CHST8: variants seen among roughly 807,000 people sequenced by gnomAD.
The protein encoded by CHST8 is carbohydrate sulfotransferase 8.
CHST8 carries 10 observed loss-of-function variants against 15.0 expected under a neutral mutation model. The observed-to-expected ratio is 0.67, with a 90% confidence interval of 0.41 to 1.13. The LOEUF is 1.13. Ranked by LOEUF, CHST8 falls within the 50% of genes most tolerant of loss-of-function variation. CHST8 has a pLI of 0.00. For missense variants in CHST8, 634 were observed against 608.2 expected (o/e 1.04, Z -0.45); for synonymous variants, 259 against 256.6 (o/e 1.01, Z -0.09).
At chr19:33,754,480 C>T (rs906267393) in intron 3 of CHST8, among the ~76,000 whole-genome samples, 7 of 152,156 alleles carry the variant, frequency 4.6e-5, no homozygotes, top group African/African-American at 1.4e-4. Flanking sequence ...TGCATCTTAA[C>T]CCTATGCCTG....
intron 1 of CHST8, among the ~76,000 whole-genome samples, chr19:33,630,642 C>T (rs1165504527): frequency 1.4e-5 from 2 of 143,714 alleles, no homozygotes; most frequent in South Asian, 2.3e-4. Context: ...GCAAGCAGTC[C>T]GTCTACGATG....
At chr19:33,758,463 A>G (rs1156987196) in intron 3 of CHST8, among the ~76,000 whole-genome samples, 4 of 152,206 alleles carry the variant, frequency 2.6e-5, no homozygotes, top group Non-Finnish European at 5.9e-5. Context: ...AGCGGCCTGC[A>G]GTGGGGGTCA....
intron 1 of CHST8, among the ~76,000 whole-genome samples, chr19:33,642,432 G>A (rs779498776): frequency 2.6e-5 from 4 of 151,894 alleles, no homozygotes; most frequent in Admixed American, 6.6e-5. Context: ...GCACGATCTC[G>A]GCTCTTTGCA....
chr19:33,759,740 A>G (rs1974679521), intron 3 of CHST8, among the ~76,000 whole-genome samples: 1 of 152,226 alleles, frequency 6.6e-6, no homozygotes, highest in Non-Finnish European at 1.5e-5. Context: ...GAATAGCATC[A>G]GCATTCACCA....
chr19:33,630,526 G>A (rs1321716239), intron 1 of CHST8, among the ~76,000 whole-genome samples: 5 of 151,730 alleles, frequency 3.3e-5, no homozygotes, highest in African/African-American at 1.2e-4. Flanking sequence ...CAGGCAGTCT[G>A]TCCACACTGG....
At chr19:33,709,018 A>G (rs528728415) in intron 3 of CHST8, among the ~76,000 whole-genome samples, 1 of 152,294 alleles carries the variant, frequency 6.6e-6, no homozygotes, top group South Asian at 2.1e-4. Context: ...TTTCTAATTT[A>G]ATTTTGGGAT....
At chr19:33,626,259 G>A (rs1972052223) in intron 1 of CHST8, among the ~76,000 whole-genome samples, 1 of 152,116 alleles carries the variant, frequency 6.6e-6, no homozygotes, top group Non-Finnish European at 1.5e-5. Context: ...CCTGTCATTT[G>A]TGATGTGGTG....
intron 3 of CHST8, among the ~76,000 whole-genome samples, chr19:33,739,497 A>G (rs1232863867): frequency 6.6e-6 from 1 of 152,228 alleles, no homozygotes; most frequent in Non-Finnish European, 1.5e-5. Flanking sequence ...CTGTTGTTTT[A>G]GCCTGTTGTG....
In CHST8 at chr19:33,628,813, G is replaced by C. The variant is rs1343000957; in HGVS notation, c.-164+6517G>C. On this transcript the variant is annotated intron_variant, in intron 1 of 4. Transcript: ENST00000650847. Reference sequence around the variant, plus strand: ...TACCTGGCTGGATTAGGTGTGGGAGGGGATGTGGTAAGGAGTGGTCAGGAT... The same window carrying C: ...TACCTGGCTGGATTAGGTGTGGGAGCGGATGTGGTAAGGAGTGGTCAGGAT... 1.3e-5 allele frequency among the ~76,000 whole-genome samples: 2 copies of C among 152,166 alleles called. 1 individual carries two copies. The highest frequency in any genetic ancestry group is 2.9e-5 in the Non-Finnish European group (2 of 68,018).
chr19:33,709,559 C>A (rs2145291280), intron 3 of CHST8, among the ~76,000 whole-genome samples: 1 of 151,458 alleles, frequency 6.6e-6, no homozygotes, highest in South Asian at 2.1e-4. Flanking sequence ...ATAAATCTCA[C>A]TTGGTCATGG....
In CHST8 at chr19:33,710,043, T is replaced by C. The variant is rs118047579; in HGVS notation, c.130+20652T>C. On this transcript the variant is annotated intron_variant, in intron 3 of 4. Coordinates refer to ENST00000650847, the MANE Select transcript of CHST8 (RefSeq NM_001127895.2). ...AGTTCTATTCAGGTTTTCTATTTCT[T>C]CTTGAGTCAGCTCTAGTAATTTATG... Among the ~76,000 whole-genome samples the C allele has an allele frequency of 9.2e-3, 1,408 of 152,332 alleles. 11 individuals carry two copies. Among genetic ancestry groups the C allele is most frequent in the Non-Finnish European group, 0.016 (1,092 of 68,016 alleles).
intron 2 of CHST8, among the ~76,000 whole-genome samples, chr19:33,682,932 A>T (rs1159089238): frequency 6.6e-6 from 1 of 152,248 alleles, no homozygotes; most frequent in Non-Finnish European, 1.5e-5. Context: ...TGGTGTTGGC[A>T]TCTGCTCGGC....
At chr19:33,700,702 G>A (rs1973315583) in intron 3 of CHST8, among the ~76,000 whole-genome samples, 1 of 152,174 alleles carries the variant, frequency 6.6e-6, no homozygotes, top group South Asian at 2.1e-4. Context: ...GGCCAGGCCA[G>A]CCATCATTAT....
intron 1 of CHST8, among the ~76,000 whole-genome samples, chr19:33,647,981 T>G (rs554298445): frequency 5.3e-5 from 8 of 152,194 alleles, no homozygotes; most frequent in Non-Finnish European, 1.2e-4. Flanking sequence ...TATATCTGTA[T>G]GCTGATGAGA....
At chr19:33,726,906 G>A (rs1973913170) in intron 3 of CHST8, among the ~76,000 whole-genome samples, 1 of 151,788 alleles carries the variant, frequency 6.6e-6, no homozygotes, top group South Asian at 2.1e-4. Context: ...CCCCCACCTC[G>A]ACCCGCACCT....
At chr19:33,727,359 AGTCGCC>A (rs1973920930) in intron 3 of CHST8, among the ~76,000 whole-genome samples, 1 of 152,100 alleles carries the variant, frequency 6.6e-6, no homozygotes, top group South Asian at 2.1e-4. Context: ...CTGCCCAAGG[AGTCGCC>A]GTATGTGTGA....
chr19:33,736,718 G>A (rs1268533411), intron 3 of CHST8, among the ~76,000 whole-genome samples: 3 of 152,136 alleles, frequency 2.0e-5, no homozygotes, highest in Non-Finnish European at 4.4e-5. Context: ...AGCAGACACC[G>A]TGGCCACCAC....
At chr19:33,739,681 A>G (rs1164315856) in intron 3 of CHST8, among the ~76,000 whole-genome samples, 4 of 152,150 alleles carry the variant, frequency 2.6e-5, no homozygotes, top group African/African-American at 9.7e-5. Context: ...CAGTCCCAAA[A>G]CATCATTCCT....
chr19:33,640,134 G>C (rs181272508), intron 1 of CHST8, among the ~76,000 whole-genome samples: 1 of 152,230 alleles, frequency 6.6e-6, no homozygotes, highest in African/African-American at 2.4e-5. Context: ...AAGCCACTGC[G>C]CCCAGCAAAG....
Sources: allele counts gnomAD v4.1 joint callset (sites outside exome capture counted in the v4.1 genomes callset), GRCh38; gene constraint gnomAD v4.1.1; transcripts MANE v1.5; gene names NCBI Gene and HGNC (gene_info 2026-07-23, HGNC 2026-07-21).